The following LINGO2 variants were observed in gnomAD, a reference collection of about 807,000 sequenced individuals.
LINGO2 encodes leucine rich repeat and Ig domain containing 2.
Under a neutral mutation model 30.6 loss-of-function variants are expected in LINGO2, and 14 were observed. That is an observed-to-expected ratio of 0.46 (90% CI 0.30 to 0.72). The LOEUF (loss-of-function observed/expected upper bound fraction) is 0.72, where lower values mean the gene tolerates loss of function less well. Ranked by LOEUF, LINGO2 falls within the 30% of genes least tolerant of loss-of-function variation. LINGO2 has a pLI of 0.07. For missense variants in LINGO2, 729 were observed against 751.7 expected (o/e 0.97, Z 0.35); for synonymous variants, 317 against 288.5 (o/e 1.10, Z -1.00).
chr9:28,194,818 C>CGTCT (rs1256645107), intron 4 of LINGO2, among the ~76,000 whole-genome samples: 2 of 151,750 alleles, frequency 1.3e-5, no homozygotes, highest in Non-Finnish European at 2.9e-5. Flanking sequence ...AAAAAAGCAA[C>CGTCT]AGACAAGAAA....
At chr9:28,926,195 T>A in the LINGO2 span, among the ~76,000 whole-genome samples, 1 of 152,100 alleles carries the variant, frequency 6.6e-6, no homozygotes, top group Admixed American at 6.5e-5. Flanking sequence ...ATGCCTGTAG[T>A]CCCAGCTACT....
At chr9:28,703,602 T>C in the LINGO2 span, among the ~76,000 whole-genome samples, 3 of 151,910 alleles carry the variant, frequency 2.0e-5, no homozygotes, top group Non-Finnish European at 4.4e-5. Flanking sequence ...AGATATCAAT[T>C]ACAAGTGATT....
chr9:28,979,506 A>ACT, the LINGO2 span, among the ~76,000 whole-genome samples: 1 of 19,792 alleles, frequency 5.1e-5, no homozygotes, highest in East Asian at 1.0e-3. Context: ...ATTTTATTTT[A>ACT]CACACACACA....
exon 6 of LINGO2, chr9:27,949,297 T>C (rs983323601): frequency 1.9e-6 from 3 of 1,613,974 alleles, no homozygotes; most frequent in African/African-American, 2.7e-5. Context: ...ACGGTGGCTC[T>C]TCCATTGGAC....
At chr9:29,048,227 C>T in the LINGO2 span, among the ~76,000 whole-genome samples, 30 of 151,614 alleles carry the variant, frequency 2.0e-4, no homozygotes, top group East Asian at 5.4e-3. Context: ...AATAGCCACA[C>T]ATAAAATTAA....
intron 4 of LINGO2, among the ~76,000 whole-genome samples, chr9:28,250,257 T>G (rs947109445): frequency 1.3e-5 from 2 of 152,198 alleles, no homozygotes; most frequent in African/African-American, 4.8e-5. Flanking sequence ...TCCAGGAAGA[T>G]AAAGTGGATG....
chr9:28,226,148 T>G (rs79785441), intron 4 of LINGO2, among the ~76,000 whole-genome samples: 1 of 152,174 alleles, frequency 6.6e-6, no homozygotes, highest in African/African-American at 2.4e-5. Context: ...ATATATCTCA[T>G]TGGAGATTTA....
chr9:29,212,817 G>C, the LINGO2 span, among the ~76,000 whole-genome samples: 2 of 152,164 alleles, frequency 1.3e-5, no homozygotes, highest in Non-Finnish European at 2.9e-5. Flanking sequence ...GCGTAGCGAC[G>C]CCCGGAGAGA....
chr9:28,406,591 A>T (rs1458616178), intron 2 of LINGO2, among the ~76,000 whole-genome samples: 2 of 152,250 alleles, frequency 1.3e-5, no homozygotes, highest in Admixed American at 6.5e-5. Context: ...CAGATTAATT[A>T]ACAGAACAGG....
the LINGO2 span, among the ~76,000 whole-genome samples, chr9:28,794,471 A>G: frequency 1.3e-5 from 2 of 152,180 alleles, no homozygotes; most frequent in African/African-American, 2.4e-5. Context: ...AGGTTTCCTG[A>G]GTTGAAGACA....
intron 2 of LINGO2, among the ~76,000 whole-genome samples, chr9:28,465,496 T>G (rs112505008): frequency 0.016 from 2,431 of 152,214 alleles, 67 homozygotes; most frequent in African/African-American, 0.055. Context: ...CAACATTTGG[T>G]TGGGAAAACA....
intron 4 of LINGO2, among the ~76,000 whole-genome samples, chr9:28,072,357 A>G (rs1825504546): frequency 6.6e-6 from 1 of 152,224 alleles, no homozygotes; most frequent in African/African-American, 2.4e-5. Flanking sequence ...GGGAATATTA[A>G]GCAGAGTTTG....
the LINGO2 span, among the ~76,000 whole-genome samples, chr9:29,065,907 T>C: frequency 1.3e-5 from 2 of 152,026 alleles, no homozygotes; most frequent in African/African-American, 4.8e-5. Flanking sequence ...AACTTTGTTT[T>C]TGATTCATTA....
At chr9:28,797,329 C>CATATATATATAT in the LINGO2 span, among the ~76,000 whole-genome samples, 43 of 65,942 alleles carry the variant, frequency 6.5e-4, no homozygotes, top group East Asian at 1.1e-3. Context: ...ATCATATATA[C>CATATATATATAT]ATATATATAT....
At chr9:28,990,244 G>T in the LINGO2 span, among the ~76,000 whole-genome samples, 4 of 152,176 alleles carry the variant, frequency 2.6e-5, no homozygotes, top group African/African-American at 9.6e-5. Context: ...ACGGAGTCTC[G>T]CTGACTGCTA....
intron 4 of LINGO2, among the ~76,000 whole-genome samples, chr9:28,152,986 A>C (rs1828040738): frequency 6.6e-6 from 1 of 152,192 alleles, no homozygotes; most frequent in East Asian, 1.9e-4. Context: ...CTTGATATAC[A>C]AAATGCCTAA....
chr9:28,740,114 A>G, the LINGO2 span, among the ~76,000 whole-genome samples: 6 of 150,664 alleles, frequency 4.0e-5, no homozygotes, highest in Non-Finnish European at 8.9e-5. Flanking sequence ...GTGTTGCGTG[A>G]TCTTAATATT....
intron 4 of LINGO2, among the ~76,000 whole-genome samples, chr9:28,052,433 A>T (rs1355185601): frequency 2.6e-5 from 4 of 152,076 alleles, no homozygotes; most frequent in African/African-American, 9.7e-5. Flanking sequence ...GGTTCCAAGA[A>T]GCTAGAGAGC....
Position 28,045,775 on chromosome 9 carries a change from A to T in LINGO2, c.-86-33370T>A, listed in dbSNP as rs186784323. Among the ~76,000 whole-genome samples, 45 of 152,306 alleles carry T rather than the reference A, an allele frequency of 3.0e-4. No individual in the cohort carries two copies. The East Asian group carries it at 6.6e-3, about 22-fold the overall frequency. ...ATAAAGGTGGATGAGACATGGCCCC[A>T]AAGCCAAATGAACTTACAGCGTGGA... On this transcript the variant is annotated intron_variant, in intron 4 of 5. Coordinates refer to ENST00000379992, the Ensembl canonical transcript of LINGO2.
Sources: gnomAD v4.1 joint callset for allele counts (sites outside exome capture counted in the v4.1 genomes callset) on GRCh38, gnomAD v4.1.1 for gene constraint, MANE v1.5 for transcripts, NCBI Gene and HGNC (gene_info 2026-07-23, HGNC 2026-07-21) for gene names.